IPO11: variants seen among roughly 807,000 people sequenced by gnomAD.
IPO11 encodes the protein importin 11, also known as importin-11.
In IPO11, 66 loss-of-function variants were observed where a neutral mutation model predicts 143.2. The ratio of observed to expected loss-of-function variants is 0.46; its 90% CI spans 0.38 to 0.57. The LOEUF is 0.57. Among genes scored for constraint, IPO11 ranks in the 20% least tolerant of loss-of-function variants. IPO11 has a pLI of 0.00. For missense variants in IPO11, 1,026 were observed against 1,141.0 expected, an observed-to-expected ratio of 0.90 and a Z score of 1.45; for synonymous variants, 385 against 377.8, an observed-to-expected ratio of 1.02 and a Z score of -0.22.
At chr5:62,481,462 A>T (rs1746206856) in intron 9 of IPO11, among the ~76,000 whole-genome samples, 2 of 152,114 alleles carry the variant, frequency 1.3e-5, no homozygotes, top group South Asian at 2.1e-4. Flanking sequence ...GAGAGTTTTT[A>T]GGATGAAGGG....
chr5:62,570,297 T>A (rs1325847709), intron 27 of IPO11, among the ~76,000 whole-genome samples: 5 of 152,156 alleles, frequency 3.3e-5, no homozygotes, highest in Admixed American at 1.3e-4. Flanking sequence ...AACCAGATAT[T>A]CCCCTCTCCA....
Position 62,424,249 on chromosome 5 carries a change from C to T in IPO11, c.-7+11320C>T, listed in dbSNP as rs531614689. On this transcript the variant is annotated intron_variant, in intron 1 of 29. Coordinates refer to ENST00000325324, the MANE Select transcript of IPO11 (RefSeq NM_016338.5). ...CCGCCTCCCGGGTTCACGCCATTCT[C>T]CTGCCTCAGCCTCCCGAGTAGCTGG... Among the ~76,000 whole-genome samples, 1,201 of 151,950 alleles carry T rather than the reference C, an allele frequency of 7.9e-3. 20 individuals are homozygous for T. Among genetic ancestry groups the T allele is most frequent in the African/African-American group, 0.027 (1,137 of 41,442 alleles).
chr5:62,452,662 C>CGTGTGT (rs138539006), intron 5 of IPO11, among the ~76,000 whole-genome samples: 2,965 of 140,184 alleles, frequency 0.021, 206 homozygotes, highest in African/African-American at 0.071. Context: ...GTTTTGGGTT[C>CGTGTGT]GTGTGTGTGT....
chr5:62,530,734 T>G lies in IPO11; in HGVS notation c.2038T>G (p.Cys680Gly), dbSNP rs754613412. The G allele has an allele frequency of 8.1e-6, 13 of 1,613,088 alleles. No homozygotes were observed. In the East Asian group the frequency reaches 2.7e-4, roughly 33 times the overall value. Reference protein sequence around the residue: ...LWLVTLENSPCITPELLRIFQ... With the variant: ...LWLVTLENSPGITPELLRIFQ... Reference sequence around the variant, plus strand: ...GTTAGTAACTTTGGAAAACAGTCCATGTATTACACCAGAGTTGCTTCGTAT... The same window carrying G: ...GTTAGTAACTTTGGAAAACAGTCCAGGTATTACACCAGAGTTGCTTCGTAT... Residue 680 changes from cysteine (C) to glycine (G), a missense_variant, in exon 22 of 30, where the codon TGT (cysteine) becomes GGT (glycine). Coordinates refer to ENST00000325324, the MANE Select transcript of IPO11 (RefSeq NM_016338.5).
rs756420006 is a variant in IPO11, at chr5:62,451,901, C to T, written c.484C>T (p.Arg162Ter). The change falls in exon 5 of 30, where the codon CGA becomes TGA. Residue 162 changes from arginine (R) to a stop codon, truncating the protein, a stop_gained. Coordinates refer to ENST00000325324, the MANE Select transcript of IPO11 (RefSeq NM_016338.5). LOFTEE classifies it high-confidence loss of function. ...TGTTACCAAGACACTGGCATCTAAA[C>T]GACTTGCTGCTGATAGAAAACTATT... ...YHVTKTLASK[R>*]LAADRKLFYD... 7 of 1,613,764 alleles carry T rather than the reference C, an allele frequency of 4.3e-6. No individual in the cohort carries two copies. Among genetic ancestry groups the T allele is most frequent in the Non-Finnish European group, 5.9e-6 (7 of 1,179,680 alleles).
intron 5 of IPO11, among the ~76,000 whole-genome samples, chr5:62,454,088 T>C (rs1745036175): frequency 6.6e-6 from 1 of 152,086 alleles, no homozygotes; most frequent in African/African-American, 2.4e-5. Context: ...TGAGCCGAGA[T>C]TGCACCACTG....
intron 19 of IPO11, among the ~76,000 whole-genome samples, chr5:62,507,121 A>G (rs1741579682): frequency 6.6e-6 from 1 of 152,210 alleles, no homozygotes; most frequent in Non-Finnish European, 1.5e-5. Flanking sequence ...TGCTTTGCAT[A>G]TATTTCTCAT....
At chr5:62,606,874 C>A (rs1009198290) in intron 29 of IPO11, among the ~76,000 whole-genome samples, 1 of 152,228 alleles carries the variant, frequency 6.6e-6, no homozygotes, top group East Asian at 1.9e-4. Flanking sequence ...TAGGCTCCAG[C>A]ATATGTAAGT....
chr5:62,493,065 C>T (rs901396097), intron 15 of IPO11, among the ~76,000 whole-genome samples: 1 of 151,996 alleles, frequency 6.6e-6, no homozygotes, highest in Non-Finnish European at 1.5e-5. Context: ...TTTCTTTTAG[C>T]GAAGATGATG....
intron 28 of IPO11, among the ~76,000 whole-genome samples, chr5:62,598,531 CTTTCTTTT>C (rs1745363706): frequency 1.9e-4 from 2 of 10,762 alleles, no homozygotes; most frequent in African/African-American, 2.2e-3. Context: ...TCTTTCTTTT[CTTTCTTTT>C]CTTTCTTTTC....
intron 19 of IPO11, among the ~76,000 whole-genome samples, chr5:62,512,020 C>T (rs562798203): frequency 6.6e-6 from 1 of 152,280 alleles, no homozygotes; most frequent in South Asian, 2.1e-4. Context: ...GGGTCACACT[C>T]AGCTTAGGCT....
At chr5:62,439,349 T>C (rs955432298) in intron 2 of IPO11, among the ~76,000 whole-genome samples, 1 of 126,872 alleles carries the variant, frequency 7.9e-6, no homozygotes, top group South Asian at 2.6e-4. Flanking sequence ...TGCAGTGGGG[T>C]GATCTAGGCT....
intron 21 of IPO11, among the ~76,000 whole-genome samples, chr5:62,527,876 G>T (rs1213336846): frequency 6.6e-6 from 1 of 152,138 alleles, no homozygotes; most frequent in Non-Finnish European, 1.5e-5. Flanking sequence ...GCAAACATAG[G>T]TGCCAATCCC....
chr5:62,494,935 A>G (rs941820681), intron 16 of IPO11, among the ~76,000 whole-genome samples: 6 of 150,660 alleles, frequency 4.0e-5, no homozygotes, highest in Non-Finnish European at 8.9e-5. Context: ...TTTTATTTTT[A>G]GTTTGAACCC....
intron 18 of IPO11, 30 bp from the exon 19 acceptor site, chr5:62,506,211 C>A: frequency 7.9e-7 from 1 of 1,261,322 alleles, no homozygotes; most frequent in South Asian, 1.3e-5. Flanking sequence ...TATTATAAAC[C>A]TTTTTTATTT....
chr5:62,527,086 G>C (rs1395930006), intron 21 of IPO11, among the ~76,000 whole-genome samples: 1 of 152,052 alleles, frequency 6.6e-6, no homozygotes, highest in Non-Finnish European at 1.5e-5. Context: ...CAGAATATGA[G>C]ATGAATGACT....
rs143124056 is a variant in IPO11 at position 62,616,942 on chromosome 5, CACTG to C, written c.2764-10205_2764-10202del. On this transcript the variant is annotated intron_variant, in intron 29 of 29. Transcript: ENST00000325324. ...TCAAATTTTTGAAAGAGATTGAGGACACTGACTGACCCATTATTAAACTTTCTTG... is the reference window on the plus strand; with the variant it reads ...TCAAATTTTTGAAAGAGATTGAGGACACTGACCCATTATTAAACTTTCTTG... 8.1e-3 allele frequency among the ~76,000 whole-genome samples: 1,235 copies of C among 152,220 alleles called. 20 individuals carry two copies. Among genetic ancestry groups the C allele is most frequent in the African/African-American group, 0.028 (1,160 of 41,534 alleles).
At chr5:62,539,330 C>T (rs943759239) in intron 24 of IPO11, among the ~76,000 whole-genome samples, 1 of 152,152 alleles carries the variant, frequency 6.6e-6, no homozygotes, top group Admixed American at 6.5e-5. Context: ...GCCATCTGTG[C>T]TTCCGCTGTC....
chr5:62,456,765 G>C (rs1185457412), intron 5 of IPO11, among the ~76,000 whole-genome samples: 3 of 152,198 alleles, frequency 2.0e-5, no homozygotes, highest in African/African-American at 7.2e-5. Flanking sequence ...AGTTCATGTG[G>C]AAGAACGCAA....
Sources: gnomAD v4.1 joint callset for allele counts (sites outside exome capture counted in the v4.1 genomes callset) on GRCh38, gnomAD v4.1.1 for gene constraint, MANE v1.5 for transcripts, NCBI Gene and HGNC (gene_info 2026-07-23, HGNC 2026-07-21) for gene names.